The following KLHL6 variants were observed in gnomAD, a reference collection of about 807,000 sequenced individuals.
The protein encoded by KLHL6 is kelch-like protein 6.
In KLHL6, 41 loss-of-function variants were observed where a neutral mutation model predicts 58.6. The observed-to-expected ratio is 0.70, with a 90% confidence interval of 0.55 to 0.91. The LOEUF is 0.91. KLHL6 is among the 40% of genes least tolerant of loss of function. KLHL6 has a pLI of 0.00. For missense variants in KLHL6, 714 were observed against 805.6 expected (o/e 0.89, Z 1.38); for synonymous variants, 338 against 322.7 (o/e 1.05, Z -0.51).
At chr3:183,503,983 A>T (rs376933252) in intron 3 of KLHL6, among the ~76,000 whole-genome samples, 8 of 152,172 alleles carry the variant, frequency 5.3e-5, no homozygotes, top group Non-Finnish European at 1.2e-4. Flanking sequence ...TGAGACCCCA[A>T]TTAGGAGGTC....
intron 2 of KLHL6, 107 bp from the exon 3 acceptor site, chr3:183,508,615 T>A (rs1319011452): frequency 5.7e-6 from 5 of 876,134 alleles, no homozygotes; most frequent in Non-Finnish European, 8.7e-6. Context: ...AACCTAAATG[T>A]CCAACAGTAC....
chr3:183,494,975 A>G (rs2108663828), intron 4 of KLHL6, among the ~76,000 whole-genome samples: 1 of 152,344 alleles, frequency 6.6e-6, no homozygotes, highest in South Asian at 2.1e-4. Flanking sequence ...GGAAAGAGAC[A>G]AAGACAAAGG....
At chr3:183,552,717 C>CAAAAAAA (rs1169148282) in intron 1 of KLHL6, among the ~76,000 whole-genome samples, 6 of 47,596 alleles carry the variant, frequency 1.3e-4, no homozygotes, top group Non-Finnish European at 1.8e-4. Context: ...GACTCCGTCT[C>CAAAAAAA]AAAAAAAAAA....
intron 1 of KLHL6, among the ~76,000 whole-genome samples, chr3:183,530,981 G>A (rs1028910101): frequency 1.3e-5 from 2 of 151,862 alleles, no homozygotes; most frequent in East Asian, 1.9e-4. Flanking sequence ...ATAGGCACTC[G>A]CCACCACGCC....
intron 2 of KLHL6, among the ~76,000 whole-genome samples, chr3:183,510,273 G>A (rs1440622621): frequency 1.4e-5 from 2 of 146,230 alleles, no homozygotes; most frequent in South Asian, 4.6e-4. Flanking sequence ...AATGGGGGGA[G>A]AGGAAAGGGG....
chr3:183,520,114 A>G (rs1193179236), intron 2 of KLHL6: 4 of 152,120 alleles, frequency 2.6e-5, no homozygotes, highest in Non-Finnish European at 5.9e-5. Flanking sequence ...GGAGGCTGTG[A>G]AGGAGAGTTC....
intron 2 of KLHL6, among the ~76,000 whole-genome samples, chr3:183,516,152 G>A (rs1711552431): frequency 6.6e-6 from 1 of 152,162 alleles, no homozygotes; most frequent in African/African-American, 2.4e-5. Context: ...GACAGAGGCA[G>A]GTGGGGGATC....
In KLHL6 at chr3:183,543,185, G is replaced by T. The variant is rs561254548; in HGVS notation, c.293+12176C>A. 5.3e-5 allele frequency among the ~76,000 whole-genome samples: 8 copies of T among 152,242 alleles called. No homozygotes were observed. In the South Asian group the frequency reaches 1.7e-3, roughly 32 times the overall value. On this transcript the variant is annotated intron_variant, in intron 1 of 6. Coordinates refer to ENST00000341319, the MANE Select transcript of KLHL6 (RefSeq NM_130446.4). ...ACCTGTAATCCCAGCTACTCTGGAG[G>T]CTGAGGCAGGAGAATAGCTTGAACC...
chr3:183,513,287 G>A (rs186980940), intron 2 of KLHL6, among the ~76,000 whole-genome samples: 98 of 152,318 alleles, frequency 6.4e-4, no homozygotes, highest in African/African-American at 2.2e-3. Flanking sequence ...CATCCCTGAG[G>A]AAACCAGATT....
chr3:183,552,697 G>T (rs1034876738), intron 1 of KLHL6, among the ~76,000 whole-genome samples: 26 of 126,748 alleles, frequency 2.1e-4, no homozygotes, highest in Middle Eastern at 6.8e-3. Flanking sequence ...CAGCCTGGGC[G>T]ACAGAGCGAG....
chr3:183,544,855 C>T (rs1712669782), intron 1 of KLHL6: 1 of 152,450 alleles, frequency 6.6e-6, no homozygotes, highest in Non-Finnish European at 1.5e-5. Flanking sequence ...GATCATTGTG[C>T]CCCACCTCCC....
intron 1 of KLHL6, chr3:183,552,290 G>A (rs570798282): frequency 4.6e-5 from 7 of 152,350 alleles, no homozygotes; most frequent in East Asian, 3.9e-4. Context: ...ATGTCTGTCC[G>A]TAGGGGACTG....
At chr3:183,549,571 T>TGC (rs2108699693) in intron 1 of KLHL6, among the ~76,000 whole-genome samples, 1 of 152,300 alleles carries the variant, frequency 6.6e-6, no homozygotes, top group South Asian at 2.1e-4. Context: ...TGCAGTGGCA[T>TGC]GATCTTGGCT....
chr3:183,547,963 T>A (rs1198891402), intron 1 of KLHL6, among the ~76,000 whole-genome samples: 1 of 151,954 alleles, frequency 6.6e-6, no homozygotes, highest in Non-Finnish European at 1.5e-5. Context: ...GAGGAGGAAA[T>A]GTAAAAATCA....
At position 183,492,222 on chromosome 3, in the gene KLHL6, G is replaced by GCC. The variant is rs1378006788; in HGVS notation, c.1569_1570dup (p.Ala524GlyfsTer3). The GCC allele has an allele frequency of 2.5e-6, 4 of 1,597,552 alleles. No homozygotes were observed. Among genetic ancestry groups the GCC allele is most frequent in the Non-Finnish European group, 3.4e-6 (4 of 1,169,904 alleles). Reference sequence around the variant, plus strand: ...GCTGTAGGCGTACAGCGCTCTCATGGCCCCACCTGAGGAGAGGGAGGAAAC... The same window carrying GCC: ...GCTGTAGGCGTACAGCGCTCTCATGGCCCCCCACCTGAGGAGAGGGAGGAAAC... On this transcript the variant is annotated frameshift_variant, in exon 7 of 7. Coordinates refer to ENST00000341319, the MANE Select transcript of KLHL6 (RefSeq NM_130446.4). LOFTEE classifies it high-confidence loss of function. This position sits in a 1 kb window ranked among gnomAD's most constrained non-coding sequence, Gnocchi z 5.9.
chr3:183,544,241 G>A (rs1221483442), intron 1 of KLHL6, among the ~76,000 whole-genome samples: 1 of 145,772 alleles, frequency 6.9e-6, no homozygotes, highest in Non-Finnish European at 1.5e-5. Flanking sequence ...GTTTTCCATA[G>A]AAGTTAAATA....
chr3:183,527,097 T>TAA (rs572178014), intron 2 of KLHL6, among the ~76,000 whole-genome samples: 2 of 135,534 alleles, frequency 1.5e-5, no homozygotes, highest in Admixed American at 7.5e-5. Context: ...AGACTCTCTC[T>TAA]AAAAAAAAAA....
intron 1 of KLHL6, among the ~76,000 whole-genome samples, chr3:183,529,822 G>A (rs935105691): frequency 1.1e-4 from 17 of 151,948 alleles, no homozygotes; most frequent in African/African-American, 3.4e-4. Flanking sequence ...CTCTAACCCC[G>A]CAGTGTGACT....
At chr3:183,530,707 A>T (rs941668328) in intron 1 of KLHL6, among the ~76,000 whole-genome samples, 2 of 152,230 alleles carry the variant, frequency 1.3e-5, no homozygotes, top group Non-Finnish European at 2.9e-5. Flanking sequence ...ATGGAATTAT[A>T]GGAACAGAAA....
Sources: gnomAD v4.1 joint callset for allele counts (sites outside exome capture counted in the v4.1 genomes callset) on GRCh38, gnomAD v4.1.1 for gene constraint, Gnocchi (gnomAD v3.1) non-coding constraint, MANE v1.5 for transcripts, NCBI Gene and HGNC (gene_info 2026-07-23, HGNC 2026-07-21) for gene names.